CLCN7: variants seen among roughly 807,000 people sequenced by gnomAD.
CLCN7 encodes the protein Cl-/H+ antiporter 7.
In CLCN7, 60 loss-of-function variants were observed where a neutral mutation model predicts 102.1. The ratio of observed to expected loss-of-function variants is 0.59; its 90% CI spans 0.48 to 0.73. The LOEUF is 0.73. Ranked by LOEUF, CLCN7 falls within the 30% of genes least tolerant of loss-of-function variation. The pLI is 0.00. For synonymous variants in CLCN7, 560 were observed against 490.5 expected (o/e 1.14, Z -1.87); for missense variants, 962 against 1,125.7 (o/e 0.85, Z 2.08).
intron 14 of CLCN7, among the ~76,000 whole-genome samples, chr16:1,453,204 G>C (rs998992612): frequency 6.6e-6 from 1 of 152,062 alleles, no homozygotes; most frequent in Non-Finnish European, 1.5e-5. Flanking sequence ...GTAGAGACGG[G>C]GTTTCTCCAT....
chr16:1,448,308 C>A, intron 21 of CLCN7, 47 bp downstream of exon 21: 1 of 1,608,572 alleles, frequency 6.2e-7, no homozygotes, highest in Non-Finnish European at 8.5e-7. Flanking sequence ...CCAATGGACT[C>A]GACAGAGGTC....
chr16:1,461,379 C>T (rs1247729873), intron 4 of CLCN7, 26 bp downstream of exon 4: 2 of 1,546,192 alleles, frequency 1.3e-6, no homozygotes, highest in South Asian at 1.2e-5. Context: ...ACCGTGGGGC[C>T]CTGCAGGGAG....
chr16:1,462,882 C>T (rs372020721), intron 2 of CLCN7, among the ~76,000 whole-genome samples: 50 of 152,048 alleles, frequency 3.3e-4, no homozygotes, highest in African/African-American at 1.1e-3. Flanking sequence ...GAAGCTGGGC[C>T]GGGCGCAATG....
Position 1,457,124 on chromosome 16 carries a change from C to A in CLCN7, c.822+130G>T. 1.1e-6 allele frequency: 1 copy of A among 884,424 alleles called. No individual in the cohort carries two copies. The highest frequency in any genetic ancestry group is 1.9e-6 in the Non-Finnish European group (1 of 538,524). The allele number at this position is 884,424 out of a possible 1,614,324, so 54.8% of individuals were successfully genotyped here. On this transcript the variant is annotated intron_variant, in intron 9 of 24. Coordinates refer to ENST00000382745, the MANE Select transcript of CLCN7 (RefSeq NM_001287.6). This position sits in a 1 kb window ranked among gnomAD's most constrained non-coding sequence, Gnocchi z 5.4. ...TGTGCCCGCTGGCTCTGGGAGCCAC[C>A]CGCCAGGCTGTCCTCAGATGGGGCT...
chr16:1,455,541 G>T (rs1229450324), intron 11 of CLCN7, 190 bp downstream of exon 11: 14 of 717,580 alleles, frequency 2.0e-5, no homozygotes, highest in Non-Finnish European at 2.7e-5. Context: ...TGGCAATGGT[G>T]CCCAGGACCA....
intron 16 of CLCN7, 143 bp from the exon 17 acceptor site, chr16:1,450,809 G>C: frequency 1.3e-6 from 1 of 748,382 alleles, no homozygotes; most frequent in Non-Finnish European, 2.1e-6. Flanking sequence ...TCCCCAGAAG[G>C]CTCCCTGTTC....
intron 1 of CLCN7, among the ~76,000 whole-genome samples, chr16:1,466,220 G>A (rs933829308): frequency 2.6e-5 from 4 of 152,232 alleles, no homozygotes; most frequent in African/African-American, 7.2e-5. Context: ...GGCTGGTACC[G>A]GCCGTGGGAA....
intron 17 of CLCN7, 86 bp from the exon 18 acceptor site, chr16:1,449,413 GC>G: frequency 7.7e-7 from 1 of 1,294,104 alleles, no homozygotes; most frequent in Non-Finnish European, 1.1e-6. Flanking sequence ...CCCTGCCCAG[GC>G]CCAGCAGCCC....
intron 1 of CLCN7, 75 bp downstream of exon 1, chr16:1,474,759 A>G: frequency 1.7e-6 from 2 of 1,172,948 alleles, no homozygotes; most frequent in Non-Finnish European, 2.1e-6. Context: ...CGGCGCCGCC[A>G]GAAGGCTCAC....
Position 1,460,909 on chromosome 16 carries a change from C to A in CLCN7, c.391G>T (p.Ala131Ser). The A allele has an allele frequency of 7.4e-6, 12 of 1,613,928 alleles. No homozygotes were observed. The highest frequency in any genetic ancestry group is 9.3e-6 in the Non-Finnish European group (11 of 1,179,944). Residue 131 changes from alanine (A) to serine (S), a missense_variant, in exon 5 of 25, where the codon GCC becomes TCC. Ala to Ser is a moderately conservative substitution (Grantham distance 99). Transcript: ENST00000382745. ...AGGCCCGTGAGGATCCCAATGAGGG[C>A]GCAGATGACCCAGCGCTTGATCTCC... ...TVEIKRWVIC[A>S]LIGILTGLVA...
Position 1,457,455 on chromosome 16 carries a change from CG to C in CLCN7, c.739-119del. ...GGCCCTTCCTGGAGACCAGAAGGAC[CG>C]ATGCTCAGAGACACGCGTGACGCGG... is the stretch of plus-strand genomic sequence containing the variant. On this transcript the variant is annotated intron_variant, in intron 8 of 24. Coordinates refer to ENST00000382745, the MANE Select transcript of CLCN7 (RefSeq NM_001287.6). The surrounding 1 kb of genome is among the most constrained non-coding windows in gnomAD (Gnocchi z 5.4). The C allele has an allele frequency of 6.5e-6, 4 of 618,510 alleles. No individual in the cohort carries two copies. Among genetic ancestry groups the C allele is most frequent in the Admixed American group, 4.6e-5 (2 of 43,020 alleles). The allele number at this position is 618,510 out of a possible 1,614,324, so 38.3% of individuals were successfully genotyped here. A position where few individuals can be genotyped will look rare whatever the true frequency, so the allele number is the denominator to read the frequency against.
At position 1,457,027 on chromosome 16, in the gene CLCN7, A is replaced by G. The variant is rs2038845433; in HGVS notation, c.822+227T>C. On this transcript the variant is annotated intron_variant, in intron 9 of 24. Coordinates refer to ENST00000382745, the MANE Select transcript of CLCN7 (RefSeq NM_001287.6). This position sits in a 1 kb window ranked among gnomAD's most constrained non-coding sequence, Gnocchi z 5.4. Reference sequence around the variant, plus strand: ...AGCCACAGACCCTCCCACGGGAAACACTGATGCACGTGTGGCAGGGGACCC... The same window carrying G: ...AGCCACAGACCCTCCCACGGGAAACGCTGATGCACGTGTGGCAGGGGACCC... Among the ~76,000 whole-genome samples the G allele has an allele frequency of 6.6e-6, 1 of 152,064 alleles. No homozygotes were observed. Among genetic ancestry groups the G allele is most frequent in the African/African-American group, 2.4e-5 (1 of 41,418 alleles).
chr16:1,460,889 C>G lies in CLCN7; in HGVS notation c.411G>C (p.Thr137=), dbSNP rs139649449. 1 of 1,613,888 alleles carries G rather than the reference C, an allele frequency of 6.2e-7. No homozygotes were observed. The highest frequency in any genetic ancestry group is 1.1e-5 in the South Asian group (1 of 91,092). The part of the protein sequence containing the change: ...WVICALIGIL[T]GLVACFIDIV... Reference sequence around the variant, plus strand: ...TGTCAATGAAGCAGGCCACGAGGCCCGTGAGGATCCCAATGAGGGCGCAGA... The same window carrying G: ...TGTCAATGAAGCAGGCCACGAGGCCGGTGAGGATCCCAATGAGGGCGCAGA... The change falls in exon 5 of 25, where the codon ACG becomes ACC. Residue 137 remains threonine, a synonymous_variant. Transcript: ENST00000382745.
At chr16:1,447,934 G>A (rs954385168) in intron 21 of CLCN7, among the ~76,000 whole-genome samples, 11 of 152,346 alleles carry the variant, frequency 7.2e-5, no homozygotes, top group Admixed American at 4.6e-4. Context: ...GGGCCTGACC[G>A]CGCACAGCAG....
Position 1,457,147 on chromosome 16 carries a change from G to A in CLCN7, c.822+107C>T. The A allele has an allele frequency of 9.3e-7, 1 of 1,074,016 alleles. No individual in the cohort carries two copies. The highest frequency in any genetic ancestry group is 1.4e-6 in the Non-Finnish European group (1 of 698,546). 66.5% of individuals were successfully genotyped at this position (1,074,016 alleles called of 1,614,324 possible). ...ACCCGCCAGGCTGTCCTCAGATGGG[G>A]CTGGGGCTCTCGGCCTGGGGGTGCT... On this transcript the variant is annotated intron_variant, in intron 9 of 24. Coordinates refer to ENST00000382745, the MANE Select transcript of CLCN7 (RefSeq NM_001287.6). The surrounding 1 kb of genome is among the most constrained non-coding windows in gnomAD (Gnocchi z 5.4).
Position 1,457,958 on chromosome 16 carries a change from C to T in CLCN7, c.676-202G>A, listed in dbSNP as rs953809433. 1.4e-4 allele frequency among the ~76,000 whole-genome samples: 22 copies of T among 152,208 alleles called. No homozygotes were observed. Among genetic ancestry groups the T allele is most frequent in the Admixed American group, 7.2e-4 (11 of 15,290 alleles). On this transcript the variant is annotated intron_variant, in intron 7 of 24. Transcript: ENST00000382745. This position sits in a 1 kb window ranked among gnomAD's most constrained non-coding sequence, Gnocchi z 5.4. ...CAGCCAAGCGTCCCCCGCACTCACT[C>T]GGGGGACCTGCCCTCTGTGGCCTCA...
chr16:1,470,292 T>C (rs889796928), intron 1 of CLCN7, among the ~76,000 whole-genome samples: 1 of 152,214 alleles, frequency 6.6e-6, no homozygotes, highest in Non-Finnish European at 1.5e-5. Context: ...CCACCATGCC[T>C]GGCTCAAAAT....
intron 15 of CLCN7, chr16:1,452,459 T>C: frequency 6.4e-6 from 3 of 465,422 alleles, no homozygotes; most frequent in Non-Finnish European, 7.9e-6. Context: ...GGTCCACATC[T>C]ATGGTGCCCC....
intron 6 of CLCN7, among the ~76,000 whole-genome samples, chr16:1,459,743 C>A (rs1330759193): frequency 1.9e-4 from 10 of 52,464 alleles, no homozygotes; most frequent in African/African-American, 1.0e-3. Flanking sequence ...GCTCAGCACA[C>A]ACTTCGGGGC....
Sources: allele counts gnomAD v4.1 joint callset (sites outside exome capture counted in the v4.1 genomes callset), GRCh38; gene constraint gnomAD v4.1.1; non-coding constraint Gnocchi (gnomAD v3.1); transcripts MANE v1.5; gene names NCBI Gene and HGNC (gene_info 2026-07-23, HGNC 2026-07-21).